CASK: variants seen among roughly 807,000 people sequenced by gnomAD.
CASK encodes the protein calcium/calmodulin dependent serine protein kinase, also known as peripheral plasma membrane protein CASK.
CASK carries 4 observed loss-of-function variants against 82.9 expected under a neutral mutation model. The ratio of observed to expected loss-of-function variants is 0.05; its 90% confidence interval spans 0.02 to 0.11. The LOEUF (loss-of-function observed/expected upper bound fraction) is 0.11, where lower values mean the gene tolerates loss of function less well. CASK is among the 10% of genes least tolerant of loss of function. CASK has a pLI of 1.00. For synonymous variants in CASK, 259 were observed against 253.5 expected (o/e 1.02, Z -0.20); for missense variants, 358 against 720.9 (o/e 0.50, Z 5.76).
Position 41,520,447 on chromosome X carries a change from C to T in CASK, c.2754G>A (p.Gln918=). 8.3e-7 allele frequency: 1 copy of T among 1,209,798 alleles called. No individual in the cohort carries two copies. Among genetic ancestry groups the T allele is most frequent in the South Asian group, 1.8e-5 (1 of 56,901 alleles). ...EAVELVCTAP[Q]WVPVSWVY ...AATAGACCCAGGAGACAGGGACCCA[C>T]TGTGGGGCTGTGCACACGAGCTCAA... The change falls in exon 27 of 27, where the codon CAG becomes CAA. Residue 918 remains glutamine, a synonymous_variant. Coordinates refer to ENST00000378163, the MANE Select transcript of CASK (RefSeq NM_001367721.1).
intron 22 of CASK, 142 bp from the exon 23 acceptor site, chrX:41,535,115 C>T: frequency 2.2e-6 from 1 of 458,218 alleles, no homozygotes; most frequent in Admixed American, 3.9e-5. Context: ...ATATGGCTTA[C>T]ATGTAATTTA....
In CASK at chrX:41,523,969, A is replaced by G; in HGVS notation, c.2586T>C (p.Ile862=). 1 of 1,199,123 alleles carries G rather than the reference A, an allele frequency of 8.3e-7. No homozygotes were observed. The highest frequency in any genetic ancestry group is 1.1e-6 in the Non-Finnish European group (1 of 885,021). ...PFVVFIAAPT[I]TPGLNEDESL... is the part of the protein sequence containing the mutation. ...TTCTTACCTCATTTAAACCTGGAGT[A>G]ATAGTTGGTGCAGCAATGAAAACAA... Residue 862 remains isoleucine, a synonymous_variant, in exon 26 of 27, where the codon ATT becomes ATC. Transcript: ENST00000378163.
At chrX:41,594,835 G>A (rs1390299141) in intron 12 of CASK, among the ~76,000 whole-genome samples, 1 of 111,794 alleles carries the variant, frequency 8.9e-6, no homozygotes. Context: ...GAAACCACAC[G>A]TCTGCAACTC....
At chrX:41,677,163 A>C (rs1242172843) in intron 5 of CASK, among the ~76,000 whole-genome samples, 2 of 110,414 alleles carry the variant, frequency 1.8e-5, no homozygotes, top group Non-Finnish European at 3.8e-5. Context: ...AAATGAAAAA[A>C]AAAAAAAAAA....
intron 2 of CASK, among the ~76,000 whole-genome samples, chrX:41,824,286 C>T (rs922937776): frequency 2.7e-5 from 3 of 112,281 alleles, no homozygotes; most frequent in African/African-American, 6.5e-5. Flanking sequence ...CTGTCATATA[C>T]ACAATCTCTC....
intron 1 of CASK, among the ~76,000 whole-genome samples, chrX:41,875,779 A>C (rs773474084): frequency 8.9e-6 from 1 of 111,876 alleles, no homozygotes; most frequent in Non-Finnish European, 1.9e-5. Flanking sequence ...TGATACTTTA[A>C]AAAGCCTGGT....
chrX:41,647,537 T>C (rs12014734), intron 8 of CASK, among the ~76,000 whole-genome samples: 16,079 of 110,443 alleles, frequency 0.15, 929 homozygotes, highest in Middle Eastern at 0.18. Context: ...TTTAGTGTGC[T>C]GGACCAGTCA....
chrX:41,902,166 C>T (rs1161996623), intron 1 of CASK, among the ~76,000 whole-genome samples: 1 of 111,859 alleles, frequency 8.9e-6, no homozygotes, highest in Non-Finnish European at 1.9e-5. Context: ...CATAAACTAT[C>T]AATCAAGTTA....
intron 2 of CASK, among the ~76,000 whole-genome samples, chrX:41,796,729 T>G (rs2069862197): frequency 8.9e-6 from 1 of 111,869 alleles, no homozygotes; most frequent in Admixed American, 9.5e-5. Context: ...TCACACCATC[T>G]ACCACTTCTC....
intron 3 of CASK, among the ~76,000 whole-genome samples, chrX:41,777,450 T>C (rs1355640463): frequency 1.9e-5 from 2 of 106,930 alleles, no homozygotes; most frequent in South Asian, 4.2e-4. Flanking sequence ...TGATACAGCA[T>C]TGCACTCCAG....
intron 25 of CASK, among the ~76,000 whole-genome samples, chrX:41,527,961 G>A (rs2064738259): frequency 8.9e-6 from 1 of 112,285 alleles, no homozygotes; most frequent in Non-Finnish European, 1.9e-5. Flanking sequence ...TGAATGTTAA[G>A]AAAAAATGAG....
intron 22 of CASK, among the ~76,000 whole-genome samples, chrX:41,540,109 G>GA (rs1488593901): frequency 9.0e-6 from 1 of 111,720 alleles, no homozygotes; most frequent in Admixed American, 9.5e-5. Flanking sequence ...GACACACACT[G>GA]ACATGTAGAA....
chrX:41,607,242 A>G (rs948382694), intron 12 of CASK, among the ~76,000 whole-genome samples: 7 of 112,528 alleles, frequency 6.2e-5, no homozygotes, highest in Non-Finnish European at 1.9e-5. Flanking sequence ...TGTGTAAGCC[A>G]GTAATGTTCC....
At chrX:41,886,085 A>C (rs1464186130) in intron 1 of CASK, among the ~76,000 whole-genome samples, 1 of 111,808 alleles carries the variant, frequency 8.9e-6, no homozygotes, top group Non-Finnish European at 1.9e-5. Context: ...CAATCATTAT[A>C]ATCTGTTGCT....
intron 11 of CASK, among the ~76,000 whole-genome samples, chrX:41,612,785 C>A: frequency 1.0e-5 from 1 of 99,951 alleles, no homozygotes; most frequent in Middle Eastern, 6.0e-3. Flanking sequence ...GGCCAGCCGC[C>A]CCGTCTGGAA....
chrX:41,756,558 G>T (rs1422324240), intron 3 of CASK, among the ~76,000 whole-genome samples: 1 of 112,039 alleles, frequency 8.9e-6, no homozygotes, highest in African/African-American at 3.2e-5. Context: ...AACCTAAACT[G>T]CTTGGTTTAT....
At chrX:41,789,320 G>A (rs945966122) in intron 2 of CASK, among the ~76,000 whole-genome samples, 16 of 111,598 alleles carry the variant, frequency 1.4e-4, no homozygotes. Context: ...AGTGACAAGT[G>A]ATGTGGTACC....
At chrX:41,606,929 G>C (rs1269747315) in intron 12 of CASK, among the ~76,000 whole-genome samples, 1 of 110,768 alleles carries the variant, frequency 9.0e-6, no homozygotes, top group Non-Finnish European at 1.9e-5. Context: ...CTGGGCTCAA[G>C]TGATCCTCCC....
intron 5 of CASK, among the ~76,000 whole-genome samples, chrX:41,739,041 A>C (rs1269929081): frequency 8.9e-6 from 1 of 112,254 alleles, no homozygotes; most frequent in Non-Finnish European, 1.9e-5. Context: ...TTACTATATA[A>C]ACCAAATTCT....
Sources: gnomAD v4.1 joint callset for allele counts (sites outside exome capture counted in the v4.1 genomes callset) on GRCh38, gnomAD v4.1.1 for gene constraint, MANE v1.5 for transcripts, NCBI Gene and HGNC (gene_info 2026-07-23, HGNC 2026-07-21) for gene names.